RIMBP2: variants seen among roughly 807,000 people sequenced by gnomAD.
RIMBP2 encodes the protein RIMS binding protein 2.
Under a neutral mutation model 118.6 loss-of-function variants are expected in RIMBP2, and 48 were observed. That is an observed-to-expected ratio of 0.40 (90% CI 0.32 to 0.51). The LOEUF is 0.51. Among genes scored for constraint, RIMBP2 ranks in the 20% least tolerant of loss-of-function variants. The probability of loss-of-function intolerance (pLI) is 0.41; values close to 1 mark genes in which losing one functional copy is unlikely to be tolerated. For synonymous variants in RIMBP2, 762 were observed against 742.9 expected (o/e 1.03, Z -0.42); for missense variants, 1,551 against 1,768.3 (o/e 0.88, Z 2.20).
intron 6 of RIMBP2, chr12:130,465,565 C>A (rs764343806): frequency 6.6e-6 from 1 of 152,288 alleles, no homozygotes; most frequent in Admixed American, 6.5e-5. Flanking sequence ...TGGGGCCATG[C>A]CCTGGCACTT....
In RIMBP2 at chr12:130,622,071, G is replaced by A. The variant is rs948233888; in HGVS notation, c.-217+6251C>T. Among the ~76,000 whole-genome samples, 26 of 152,218 alleles carry A rather than the reference G, an allele frequency of 1.7e-4. No individual in the cohort carries two copies. The highest frequency in any genetic ancestry group is 5.8e-4 in the African/African-American group (24 of 41,462). On this transcript the variant is annotated intron_variant, in intron 2 of 22. Coordinates refer to ENST00000690449, the MANE Select transcript of RIMBP2 (RefSeq NM_001393629.1). This position sits in a 1 kb window ranked among gnomAD's most constrained non-coding sequence, Gnocchi z 8.5. The stretch of plus-strand genomic sequence containing the variant: ...AATTGCTTTAGTCATGAAGAGTAAC[G>A]ACATTAAGAGCCATTTTAACTAGAC...
At chr12:130,678,752 A>T (rs1271763492) in intron 1 of RIMBP2, among the ~76,000 whole-genome samples, 1 of 152,288 alleles carries the variant, frequency 6.6e-6, no homozygotes, top group East Asian at 1.9e-4. Flanking sequence ...TCCTGACCTC[A>T]GGTGATCCAG....
chr12:130,490,780 G>C (rs2048564966), intron 4 of RIMBP2, among the ~76,000 whole-genome samples: 1 of 152,266 alleles, frequency 6.6e-6, no homozygotes, highest in Admixed American at 6.5e-5. Context: ...CGGCCAAGTG[G>C]GGGCTGCAGT....
At chr12:130,503,574 T>C (rs1263513748) in intron 4 of RIMBP2, among the ~76,000 whole-genome samples, 1 of 152,130 alleles carries the variant, frequency 6.6e-6, no homozygotes, top group Non-Finnish European at 1.5e-5. Context: ...CTTGGAAAAA[T>C]TGCTCCTCCA....
At chr12:130,454,335 G>T (rs1221183023) in intron 7 of RIMBP2, among the ~76,000 whole-genome samples, 1 of 152,234 alleles carries the variant, frequency 6.6e-6, no homozygotes, top group African/African-American at 2.4e-5. Context: ...AGAGAGTGGG[G>T]GAAGAAAGAA....
At chr12:130,496,822 G>A (rs747869187) in intron 4 of RIMBP2, among the ~76,000 whole-genome samples, 2 of 152,168 alleles carry the variant, frequency 1.3e-5, no homozygotes, top group Non-Finnish European at 2.9e-5. Flanking sequence ...TGAGGAGTGG[G>A]ACCCTCAAGT....
intron 18 of RIMBP2, among the ~76,000 whole-genome samples, chr12:130,413,632 CAAAAAAAAAAAAAAA>C (rs556135470): frequency 1.4e-5 from 1 of 73,354 alleles, no homozygotes; most frequent in Non-Finnish European, 2.6e-5. Flanking sequence ...GACTCTGTCT[CAAAAAAAAAAAAAAA>C]AAAAAAAAAG....
rs771529004 is a variant in RIMBP2, at chr12:130,670,642, C to A, written c.-351-42186G>T. 6.7e-6 allele frequency among the ~76,000 whole-genome samples: 1 copy of A among 148,542 alleles called. No homozygotes were observed. The highest frequency in any genetic ancestry group is 1.5e-5 in the Non-Finnish European group (1 of 65,590). On this transcript the variant is annotated intron_variant, in intron 1 of 22. Coordinates refer to ENST00000690449, the MANE Select transcript of RIMBP2 (RefSeq NM_001393629.1). This position sits in a 1 kb window ranked among gnomAD's most constrained non-coding sequence, Gnocchi z 4.9. ...TACCCTTCTCTCACACCCGCCTCCA[C>A]TAGAGAGGCTGGAAAGGAGAAACGC...
At chr12:130,639,345 C>T (rs925232372) in intron 1 of RIMBP2, among the ~76,000 whole-genome samples, 5 of 148,702 alleles carry the variant, frequency 3.4e-5, no homozygotes, top group Admixed American at 6.8e-5. Flanking sequence ...GCCAAGATCA[C>T]GCCATTGCAT....
At position 130,708,597 on chromosome 12, in the gene RIMBP2, G is replaced by A. The variant is rs193289645; in HGVS notation, c.-352+7625C>T. Among the ~76,000 whole-genome samples, 555 of 152,162 alleles carry A rather than the reference G, an allele frequency of 3.6e-3. 3 individuals are homozygous for A. Among genetic ancestry groups the A allele is most frequent in the Admixed American group, 0.012 (182 of 15,292 alleles). On this transcript the variant is annotated intron_variant, in intron 1 of 22. Transcript: ENST00000690449. ...AGATACAAAGGATGCTGAGGTGGGA[G>A]GATCACCTCAGCCTGTAGGTCGAGG... is the stretch of plus-strand genomic sequence containing the variant.
chr12:130,458,819 C>CG (rs1379617821), intron 6 of RIMBP2, among the ~76,000 whole-genome samples: 2 of 152,024 alleles, frequency 1.3e-5, no homozygotes, highest in Non-Finnish European at 2.9e-5. Context: ...CCGAGGTGGG[C>CG]GGATCACCTG....
chr12:130,476,905 C>T (rs1175887256), intron 5 of RIMBP2, among the ~76,000 whole-genome samples: 1 of 152,130 alleles, frequency 6.6e-6, no homozygotes, highest in East Asian at 1.9e-4. Flanking sequence ...AATGACGGTA[C>T]GACGGAGCTG....
rs549252059 is a variant in RIMBP2 at position 130,442,878 on chromosome 12, CATG to C, written c.692-221_692-219del. On this transcript the variant is annotated intron_variant, in intron 10 of 22. Transcript: ENST00000690449. This position sits in a 1 kb window ranked among gnomAD's most constrained non-coding sequence, Gnocchi z 6.9. ...CCCCGTGGCCCAGTCTTCTTTTCTC[CATG>C]ATACTTATCGCAACCTGAAACCATC... is the stretch of plus-strand genomic sequence containing the variant. Among the ~76,000 whole-genome samples the C allele has an allele frequency of 2.6e-3, 395 of 152,284 alleles. 1 individual carries two copies. Among genetic ancestry groups the C allele is most frequent in the African/African-American group, 9.0e-3 (376 of 41,554 alleles).
intron 1 of RIMBP2, among the ~76,000 whole-genome samples, chr12:130,653,646 G>C (rs1284985066): frequency 6.6e-6 from 1 of 152,222 alleles, no homozygotes; most frequent in Admixed American, 6.5e-5. Flanking sequence ...TGTCCTAGCG[G>C]AGCTTTTCTG....
At chr12:130,561,549 G>A (rs1181345224) in intron 2 of RIMBP2, among the ~76,000 whole-genome samples, 1 of 152,058 alleles carries the variant, frequency 6.6e-6, no homozygotes, top group Non-Finnish European at 1.5e-5. Context: ...AGAACCCTGG[G>A]TAGAGGGACG....
chr12:130,615,430 C>T (rs750742064), intron 2 of RIMBP2, among the ~76,000 whole-genome samples: 1 of 151,740 alleles, frequency 6.6e-6, no homozygotes, highest in African/African-American at 2.4e-5. Context: ...CCCATCTCAG[C>T]CTCCAGAGTA....
rs116348283 is a variant in RIMBP2 at position 130,491,038 on chromosome 12, C to T, written c.-3-12022G>A. Among the ~76,000 whole-genome samples, 390 of 152,292 alleles carry T rather than the reference C, an allele frequency of 2.6e-3. 3 individuals carry two copies. Among genetic ancestry groups the T allele is most frequent in the Middle Eastern group, 0.017 (5 of 294 alleles). Reference sequence around the variant, plus strand: ...TGGTGGGAAAATGGTGTTCTTATTCCGGTATGCACATTGCTGGCACAGTTT... The same window carrying T: ...TGGTGGGAAAATGGTGTTCTTATTCTGGTATGCACATTGCTGGCACAGTTT... On this transcript the variant is annotated intron_variant, in intron 4 of 22. Coordinates refer to ENST00000690449, the MANE Select transcript of RIMBP2 (RefSeq NM_001393629.1).
intron 1 of RIMBP2, among the ~76,000 whole-genome samples, chr12:130,637,861 T>G (rs1319520762): frequency 6.6e-6 from 1 of 152,216 alleles, no homozygotes; most frequent in East Asian, 1.9e-4. Context: ...TCCTGCCGGC[T>G]TTACTGACTT....
At chr12:130,715,854 C>T (rs761740003) in intron 1 of RIMBP2, among the ~76,000 whole-genome samples, 117 of 151,146 alleles carry the variant, frequency 7.7e-4, no homozygotes, top group Non-Finnish European at 1.4e-3. Flanking sequence ...GGGGCCGTGT[C>T]CATCGGGTGC....
Sources: gnomAD v4.1 joint callset for allele counts (sites outside exome capture counted in the v4.1 genomes callset) on GRCh38, gnomAD v4.1.1 for gene constraint, Gnocchi (gnomAD v3.1) non-coding constraint, MANE v1.5 for transcripts, NCBI Gene and HGNC (gene_info 2026-07-23, HGNC 2026-07-21) for gene names.